Variants in PREX2 observed in about 807,000 individuals in gnomAD.
The protein encoded by PREX2 is phosphatidylinositol-3,4,5-trisphosphate dependent Rac exchange factor 2, also known as phosphatidylinositol 3,4,5-trisphosphate-dependent Rac exchanger 2 protein.
Under a neutral mutation model 203.2 loss-of-function variants are expected in PREX2, and 107 were observed. The ratio of observed to expected loss-of-function variants is 0.53; its 90% CI spans 0.45 to 0.62. The LOEUF is 0.62. Ranked by LOEUF, PREX2 falls within the 20% of genes least tolerant of loss-of-function variation. The pLI, the probability that PREX2 is intolerant of heterozygous loss-of-function variation, is 0.00. For synonymous variants in PREX2, 672 were observed against 663.6 expected, an observed-to-expected ratio of 1.01 and a Z score of -0.19; for missense variants, 1,777 against 1,955.9, an observed-to-expected ratio of 0.91 and a Z score of 1.72.
chr8:68,060,666 C>T lies in PREX2; in HGVS notation c.1239-13C>T, dbSNP rs747068759. On this transcript the variant is annotated splice_polypyrimidine_tract_variant and intron_variant, in intron 10 of 39. Transcript: ENST00000288368. ...ATTAACCGTTTAGCTTTTTCACTGA[C>T]TTTCTCTTGCAGCGAATTTGTGTCA... is the stretch of plus-strand genomic sequence containing the variant. The T allele has an allele frequency of 6.3e-7, 1 of 1,599,760 alleles. No homozygotes were observed. The highest frequency in any genetic ancestry group is 1.1e-5 in the South Asian group (1 of 89,082).
intron 7 of PREX2, among the ~76,000 whole-genome samples, chr8:68,039,442 G>A (rs954601963): frequency 1.3e-5 from 2 of 152,018 alleles, no homozygotes; most frequent in East Asian, 1.9e-4. Context: ...AGTGCTGTGG[G>A]GCTCTGCATT....
intron 11 of PREX2, among the ~76,000 whole-genome samples, chr8:68,066,596 C>A (rs1809022305): frequency 6.6e-6 from 1 of 151,898 alleles, no homozygotes; most frequent in Non-Finnish European, 1.5e-5. Flanking sequence ...GAATTAATTT[C>A]TTATATGTTT....
chr8:67,989,658 T>A (rs1247609980), intron 1 of PREX2, among the ~76,000 whole-genome samples: 1 of 152,244 alleles, frequency 6.6e-6, no homozygotes, highest in Admixed American at 6.5e-5. Context: ...CGATTTAAAG[T>A]TGTCTCAGTA....
At chr8:68,055,338 G>A (rs1808644557) in intron 9 of PREX2, among the ~76,000 whole-genome samples, 1 of 152,196 alleles carries the variant, frequency 6.6e-6, no homozygotes, top group South Asian at 2.1e-4. Flanking sequence ...AGTTAGCTCT[G>A]CTTTCTCTAG....
intron 1 of PREX2, among the ~76,000 whole-genome samples, chr8:68,015,872 A>C (rs1455680351): frequency 2.6e-5 from 4 of 152,198 alleles, no homozygotes; most frequent in African/African-American, 9.6e-5. Context: ...TTTAGATAAG[A>C]GTTCAAAAAT....
chr8:68,150,993 GT>G (rs1161966098), intron 34 of PREX2, among the ~76,000 whole-genome samples: 1 of 152,084 alleles, frequency 6.6e-6, no homozygotes, highest in Non-Finnish European at 1.5e-5. Context: ...TCTTCCCTCT[GT>G]GTGTGTCTGT....
chr8:68,117,016 T>G (rs940090702), intron 26 of PREX2, among the ~76,000 whole-genome samples: 1 of 152,188 alleles, frequency 6.6e-6, no homozygotes, highest in African/African-American at 2.4e-5. Flanking sequence ...CTTCAACATA[T>G]TTTTCATTTA....
At chr8:67,992,221 G>A (rs927837627) in intron 1 of PREX2, among the ~76,000 whole-genome samples, 1 of 152,090 alleles carries the variant, frequency 6.6e-6, no homozygotes, top group Non-Finnish European at 1.5e-5. Context: ...TTCAATCAAG[G>A]ATGTCTGCTC....
chr8:68,228,941 CT>C lies in PREX2; in HGVS notation c.4776-2389del, dbSNP rs1208199820. 4.7e-3 allele frequency among the ~76,000 whole-genome samples: 411 copies of C among 87,316 alleles called. 7 individuals are homozygous for C. The highest frequency in any genetic ancestry group is 0.027 in the East Asian group (42 of 1,572). 57.3% of individuals were successfully genotyped at this position (87,316 alleles called of 152,430 possible). On this transcript the variant is annotated intron_variant, in intron 39 of 39. Transcript: ENST00000288368. The stretch of plus-strand genomic sequence containing the variant: ...TGGGAGACAGAGTGAGACCTTGTCT[CT>C]TTAAAAAAAAAAAAAAAAAAAAAAA...
intron 1 of PREX2, among the ~76,000 whole-genome samples, chr8:67,990,405 A>G (rs567484499): frequency 6.6e-6 from 1 of 151,580 alleles, no homozygotes; most frequent in African/African-American, 2.4e-5. Flanking sequence ...AAAAAAAAAA[A>G]GAACTTAGGT....
chr8:67,987,792 A>G (rs1245160565), intron 1 of PREX2, among the ~76,000 whole-genome samples: 1 of 152,136 alleles, frequency 6.6e-6, no homozygotes, highest in African/African-American at 2.4e-5. Flanking sequence ...AGTTCCATTT[A>G]ATATCTTCCT....
chr8:68,023,175 A>C (rs572029358), intron 4 of PREX2, among the ~76,000 whole-genome samples: 7 of 152,150 alleles, frequency 4.6e-5, no homozygotes, highest in Admixed American at 3.9e-4. Flanking sequence ...GTGTTGTATG[A>C]TAAGCTCATA....
At chr8:67,975,189 T>C (rs1040868051) in intron 1 of PREX2, among the ~76,000 whole-genome samples, 5 of 151,874 alleles carry the variant, frequency 3.3e-5, no homozygotes, top group Non-Finnish European at 7.4e-5. Context: ...CCAAAGTTCA[T>C]GGTCTCCTCT....
Position 68,077,661 on chromosome 8 carries a change from T to G in PREX2, c.1642+192T>G, listed in dbSNP as rs544007896. 1.3e-5 allele frequency among the ~76,000 whole-genome samples: 2 copies of G among 152,310 alleles called. 1 individual carries two copies. The highest frequency in any genetic ancestry group is 4.8e-5 in the African/African-American group (2 of 41,582). On this transcript the variant is annotated intron_variant, in intron 15 of 39. Coordinates refer to ENST00000288368, the MANE Select transcript of PREX2 (RefSeq NM_024870.4). Reference sequence around the variant, plus strand: ...CTGCTGGTGCCATCCCTATGTCTAATTGCTGTTACCTACCAATTGCCATGA... The same window carrying G: ...CTGCTGGTGCCATCCCTATGTCTAAGTGCTGTTACCTACCAATTGCCATGA...
chr8:68,118,708 GTT>G, intron 27 of PREX2, 64 bp downstream of exon 27: 1 of 1,186,552 alleles, frequency 8.4e-7, no homozygotes, highest in Non-Finnish European at 1.3e-6. Flanking sequence ...TAACTTTAAG[GTT>G]TTAATTTCGT....
At chr8:68,174,174 G>A (rs919846827) in intron 35 of PREX2, among the ~76,000 whole-genome samples, 10 of 152,116 alleles carry the variant, frequency 6.6e-5, no homozygotes, top group African/African-American at 2.4e-4. Flanking sequence ...AGGTGAATGA[G>A]TGATTAAAAA....
At chr8:68,194,693 C>T (rs755162164) in intron 37 of PREX2, among the ~76,000 whole-genome samples, 10 of 151,206 alleles carry the variant, frequency 6.6e-5, no homozygotes, top group African/African-American at 2.4e-4. Flanking sequence ...CCCAGCTACT[C>T]GGGAGGCTGA....
At position 68,108,106 on chromosome 8, in the gene PREX2, C is replaced by T. The variant is rs767490267; in HGVS notation, c.2716-3C>T. 1.0e-5 allele frequency: 16 copies of T among 1,594,338 alleles called. No individual in the cohort carries two copies. Among genetic ancestry groups the T allele is most frequent in the Middle Eastern group, 1.7e-4 (1 of 5,968 alleles). On this transcript the variant is annotated splice_polypyrimidine_tract_variant and splice_region_variant and intron_variant, in intron 23 of 39. Transcript: ENST00000288368. ...TGCTTTTTATGTTTTCTTTAATTTG[C>T]AGTTTTCTCGTGTACTGAAGAATAG...
intron 24 of PREX2, 40 bp downstream of exon 24, chr8:68,108,371 AATTTAGGCAATC>A: frequency 6.8e-7 from 1 of 1,464,122 alleles, no homozygotes; most frequent in South Asian, 1.2e-5. Flanking sequence ...CATGAAAAGC[AATTTAGGCAATC>A]ATAGCTATTC....
Sources: gnomAD v4.1 joint callset for allele counts (sites outside exome capture counted in the v4.1 genomes callset) on GRCh38, gnomAD v4.1.1 for gene constraint, MANE v1.5 for transcripts, NCBI Gene and HGNC (gene_info 2026-07-23, HGNC 2026-07-21) for gene names.